Variants in SDS observed in about 807,000 individuals in gnomAD.
SDS encodes L-serine dehydratase/L-threonine deaminase.
Under a neutral mutation model 29.3 loss-of-function variants are expected in SDS, and 19 were observed. The ratio of observed to expected loss-of-function variants is 0.65; its 90% CI spans 0.45 to 0.95. The LOEUF (loss-of-function observed/expected upper bound fraction) is 0.95. Ranked by LOEUF, SDS falls within the 40% of genes least tolerant of loss-of-function variation. The pLI is 0.00. For missense variants in SDS, 375 were observed against 439.9 expected, an observed-to-expected ratio of 0.85 and a Z score of 1.32; for synonymous variants, 176 against 189.0, an observed-to-expected ratio of 0.93 and a Z score of 0.56.
At position 113,399,712 on chromosome 12, in the gene SDS, TGGGAGAAA is replaced by T; in HGVS notation, c.-2-10_-2-3del. 1 of 1,567,120 alleles carries T rather than the reference TGGGAGAAA, an allele frequency of 6.4e-7. No homozygotes were observed. Among genetic ancestry groups the T allele is most frequent in the Non-Finnish European group, 8.6e-7 (1 of 1,156,432 alleles). On this transcript the variant is annotated splice_polypyrimidine_tract_variant and splice_region_variant and intron_variant, in intron 1 of 7. Transcript: ENST00000257549. ...GCAGGGGTTCTCCAGACATCATTCC[TGGGAGAAA>T]GGAAGGAAACCCAGAGGGTTAGGAG...
intron 3 of SDS, 32 bp from the exon 4 acceptor site, chr12:113,398,878 T>C: frequency 6.4e-7 from 1 of 1,572,834 alleles, no homozygotes; most frequent in Non-Finnish European, 8.6e-7. Flanking sequence ...AGCGTGTCAG[T>C]GCGGGAGCAT....
At chr12:113,402,911 T>C (rs1401157299) in intron 1 of SDS, among the ~76,000 whole-genome samples, 2 of 152,180 alleles carry the variant, frequency 1.3e-5, no homozygotes, top group Non-Finnish European at 2.9e-5. Flanking sequence ...GTCTGCCCAC[T>C]CCGGCAGTCG....
intron 1 of SDS, among the ~76,000 whole-genome samples, chr12:113,401,855 G>A (rs910129704): frequency 9.2e-5 from 14 of 152,162 alleles, no homozygotes; most frequent in Non-Finnish European, 2.1e-4. Context: ...CTTGGGCCGG[G>A]CCAGAAGAGA....
chr12:113,399,127 A>C lies in SDS; in HGVS notation c.178T>G (p.Phe60Val). The C allele has an allele frequency of 1.2e-6, 2 of 1,613,942 alleles. No individual in the cohort carries two copies. Among genetic ancestry groups the C allele is most frequent in the Non-Finnish European group, 1.7e-6 (2 of 1,179,938 alleles). ...KRWAKQGCAHFVCSSAGNAGM... is the reference protein window; with the variant it reads ...KRWAKQGCAHVVCSSAGNAGM... ...GATCACTTACCCGAGGAGCAGACAA[A>C]ATGTGCACAGCCTTGCTTGGCCCAC... Residue 60 changes from phenylalanine (F) to valine (V), a missense_variant, in exon 3 of 8, where the codon TTT becomes GTT. Coordinates refer to ENST00000257549, the MANE Select transcript of SDS (RefSeq NM_006843.3).
chr12:113,402,044 G>C (rs897103245), intron 1 of SDS, among the ~76,000 whole-genome samples: 3 of 152,116 alleles, frequency 2.0e-5, no homozygotes, highest in Non-Finnish European at 4.4e-5. Context: ...ACATCCCTTG[G>C]TCAGAGGGAG....
chr12:113,397,105 C>T (rs1003880460), intron 6 of SDS, 60 bp downstream of exon 6: 39 of 1,448,684 alleles, frequency 2.7e-5, no homozygotes, highest in Non-Finnish European at 3.5e-5. Flanking sequence ...TCAAAGCCAG[C>T]CCTAAGGGGG....
intron 6 of SDS, among the ~76,000 whole-genome samples, chr12:113,394,916 G>C (rs1957635793): frequency 6.6e-6 from 1 of 152,154 alleles, no homozygotes; most frequent in African/African-American, 2.4e-5. Context: ...GAGTCCCACG[G>C]CCCTATGTGG....
Position 113,392,596 on chromosome 12 carries a change from A to T in SDS, c.*345T>A. On this transcript the variant is annotated 3_prime_UTR_variant, in exon 8 of 8. Coordinates refer to ENST00000257549, the MANE Select transcript of SDS (RefSeq NM_006843.3). Reference sequence around the variant, plus strand: ...GTTGACCTTCACTGGGAACAAGTTCAGGGGCGAGGTCACAGCTTTGAGGAA... The same window carrying T: ...GTTGACCTTCACTGGGAACAAGTTCTGGGGCGAGGTCACAGCTTTGAGGAA... The T allele has an allele frequency of 3.5e-6, 1 of 288,250 alleles. No homozygotes were observed. Among genetic ancestry groups the T allele is most frequent in the Non-Finnish European group, 6.5e-6 (1 of 153,804 alleles). The allele number at this position is 288,250 out of a possible 1,614,324, so 17.9% of individuals were successfully genotyped here. A position where few individuals can be genotyped will look rare whatever the true frequency, so the allele number is the denominator to read the frequency against.
chr12:113,401,068 C>G (rs932359005), intron 1 of SDS, among the ~76,000 whole-genome samples: 4 of 151,990 alleles, frequency 2.6e-5, no homozygotes, highest in African/African-American at 9.7e-5. Context: ...GAGCCGAGAT[C>G]GCGCCACTGC....
At chr12:113,399,250 G>T in intron 2 of SDS, 99 bp from the exon 3 acceptor site, 1 of 1,288,850 alleles carries the variant, frequency 7.8e-7, no homozygotes, top group Middle Eastern at 1.8e-4. Flanking sequence ...CAGTGGACAC[G>T]GACGTTTCCT....
intron 5 of SDS, among the ~76,000 whole-genome samples, chr12:113,397,804 G>T (rs1471011287): frequency 6.6e-6 from 1 of 152,036 alleles, no homozygotes; most frequent in Non-Finnish European, 1.5e-5. Flanking sequence ...GATAGAAAAA[G>T]AAAAAAGAAA....
At position 113,392,747 on chromosome 12, in the gene SDS, C is replaced by T. The variant is rs1429712913; in HGVS notation, c.*194G>A. 1.6e-6 allele frequency: 1 copy of T among 643,984 alleles called. No individual in the cohort carries two copies. Among genetic ancestry groups the T allele is most frequent in the Admixed American group, 2.8e-5 (1 of 35,606 alleles). The allele number at this position is 643,984 out of a possible 1,614,324, so 39.9% of individuals were successfully genotyped here. A position where few individuals can be genotyped will look rare whatever the true frequency, so the allele number is the denominator to read the frequency against. ...GGGCACAGAGCAGTCACACAGATACCAAAAAGGTCCAATTCATAGCCTCGC... is the reference window on the plus strand; with the variant it reads ...GGGCACAGAGCAGTCACACAGATACTAAAAAGGTCCAATTCATAGCCTCGC... On this transcript the variant is annotated 3_prime_UTR_variant, in exon 8 of 8. Coordinates refer to ENST00000257549, the MANE Select transcript of SDS (RefSeq NM_006843.3).
At chr12:113,393,299 C>T (rs780553692) in intron 7 of SDS, 150 bp from the exon 8 acceptor site, 34 of 778,276 alleles carry the variant, frequency 4.4e-5, no homozygotes, top group Non-Finnish European at 7.0e-5. Flanking sequence ...GTCCCGTCAT[C>T]GGCCTGAATT....
chr12:113,393,287 A>G (rs889299007), intron 7 of SDS, 138 bp from the exon 8 acceptor site: 1 of 832,190 alleles, frequency 1.2e-6, no homozygotes, highest in African/African-American at 1.7e-5. Context: ...CCTGAACCAA[A>G]CGTCCCGTCA....
Position 113,392,960 on chromosome 12 carries a change from G to T in SDS, c.968C>A (p.Thr323Lys). The T allele has an allele frequency of 1.9e-6, 3 of 1,614,138 alleles. No homozygotes were observed. The highest frequency in any genetic ancestry group is 1.7e-5 in the Admixed American group (1 of 59,994). Residue 323 changes from threonine to lysine, a missense_variant, in exon 8 of 8, where the codon ACA (threonine) becomes AAA (lysine). Coordinates refer to ENST00000257549, the MANE Select transcript of SDS (RefSeq NM_006843.3). ...CCGTCCTCACTTGGGCAACCTATTT[G>T]TCATGCCCAGCTGTTCCTTGAGCGC... ...LRALKEQLGM[T>K]NRLPK
In SDS at chr12:113,394,036, A is replaced by T. The variant is rs1957629538; in HGVS notation, c.654-20T>A. ...GCAACACTGAGAGAAGTGGGAACCC[A>T]GAAGAGGATGGGAGTGGGGGAAACA... On this transcript the variant is annotated intron_variant, in intron 6 of 7. Coordinates refer to ENST00000257549, the MANE Select transcript of SDS (RefSeq NM_006843.3). The T allele has an allele frequency of 6.2e-7, 1 of 1,613,384 alleles. No homozygotes were observed. Among genetic ancestry groups the T allele is most frequent in the African/African-American group, 1.3e-5 (1 of 74,856 alleles).
In SDS at chr12:113,398,748, G is replaced by A. The variant is rs375713569; in HGVS notation, c.292C>T (p.Arg98Cys). The change falls in exon 4 of 8, where the codon CGC becomes TGC. Residue 98 changes from arginine to cysteine, a missense_variant. Physicochemically the swap from Arg to Cys is radical, Grantham distance 180. Transcript: ENST00000257549. ...ACTGTGGCACCTTCATTCTTGAGGC[G>A]CTCAATGGTGAGAGCAGGTGTGGTG... ...PSTTPALTIE[R>C]LKNEGATVKV... The A allele has an allele frequency of 1.2e-5, 19 of 1,614,072 alleles. No individual in the cohort carries two copies. The African/African-American group carries it at 1.5e-4, about 12-fold the overall frequency.
At chr12:113,401,694 G>A (rs7960943) in intron 1 of SDS, among the ~76,000 whole-genome samples, 9,855 of 152,204 alleles carry the variant, frequency 0.065, 439 homozygotes, top group African/African-American at 0.13. Context: ...CGACCCATGG[G>A]TGTGGCTCAG....
Position 113,398,351 on chromosome 12 carries a change from G to A in SDS, c.425+164C>T, listed in dbSNP as rs575225960. Among the ~76,000 whole-genome samples, 216 of 152,344 alleles carry A rather than the reference G, an allele frequency of 1.4e-3. 1 individual carries two copies. The highest frequency in any genetic ancestry group is 1.9e-3 in the Non-Finnish European group (130 of 68,026). On this transcript the variant is annotated intron_variant, in intron 5 of 7. Transcript: ENST00000257549. The stretch of plus-strand genomic sequence containing the variant: ...CTCCCAAAGTGCTGGGATTACAGGC[G>A]TGAGCCACTGTGCCCCGCCTAAGTG...
Sources: allele counts gnomAD v4.1 joint callset (sites outside exome capture counted in the v4.1 genomes callset), GRCh38; gene constraint gnomAD v4.1.1; transcripts MANE v1.5; gene names NCBI Gene and HGNC (gene_info 2026-07-23, HGNC 2026-07-21).